Variants in MAST2 observed in about 807,000 individuals in gnomAD.
The protein encoded by MAST2 is microtubule-associated serine/threonine-protein kinase 2.
In MAST2, 70 loss-of-function variants were observed where a neutral mutation model predicts 147.4. The observed-to-expected ratio is 0.47, with a 90% CI of 0.39 to 0.58. The LOEUF (loss-of-function observed/expected upper bound fraction) is 0.58. Among genes scored for constraint, MAST2 ranks in the 20% least tolerant of loss-of-function variants. The probability of loss-of-function intolerance (pLI) is 0.00; values close to 1 mark genes in which losing one functional copy is unlikely to be tolerated. For synonymous variants in MAST2, 869 were observed against 896.8 expected, an observed-to-expected ratio of 0.97 and a Z score of 0.55; for missense variants, 2,080 against 2,302.3, an observed-to-expected ratio of 0.90 and a Z score of 1.98.
intron 16 of MAST2, among the ~76,000 whole-genome samples, chr1:46,026,035 G>T (rs1339414822): frequency 6.6e-6 from 1 of 152,156 alleles, no homozygotes; most frequent in African/African-American, 2.4e-5. Flanking sequence ...CGGTGACATG[G>T]AAGAGTCATT....
At chr1:45,884,158 C>T (rs900700164) in intron 4 of MAST2, among the ~76,000 whole-genome samples, 2 of 151,840 alleles carry the variant, frequency 1.3e-5, no homozygotes, top group Non-Finnish European at 2.9e-5. Flanking sequence ...GCCTTAAAAA[C>T]GTTTAATTAA....
intron 4 of MAST2, among the ~76,000 whole-genome samples, chr1:45,901,736 G>T (rs1167880821): frequency 6.6e-6 from 1 of 151,950 alleles, no homozygotes; most frequent in South Asian, 2.1e-4. Context: ...TTTTATTTTG[G>T]TTGTGGCAAT....
chr1:45,836,284 A>C (rs973567439), intron 3 of MAST2, among the ~76,000 whole-genome samples: 2 of 152,166 alleles, frequency 1.3e-5, no homozygotes. Context: ...TATAGCCATC[A>C]TAGTGGGTGT....
intron 4 of MAST2, among the ~76,000 whole-genome samples, chr1:45,923,519 G>C (rs1052361431): frequency 2.0e-5 from 3 of 152,216 alleles, no homozygotes; most frequent in African/African-American, 4.8e-5. Context: ...TTCTGTGAGA[G>C]AGATTATCAT....
At chr1:45,999,467 T>G (rs1645187276) in intron 6 of MAST2, among the ~76,000 whole-genome samples, 1 of 152,162 alleles carries the variant, frequency 6.6e-6, no homozygotes, top group African/African-American at 2.4e-5. Flanking sequence ...TGTGGCTAGA[T>G]CCCCATAGGT....
chr1:46,034,061 TTA>T lies in MAST2; in HGVS notation c.3675-10_3675-9del. On this transcript the variant is annotated splice_polypyrimidine_tract_variant and intron_variant, in intron 27 of 28. Transcript: ENST00000361297. ...ACTGCACCGACTCAGCCTTTGACCC[TTA>T]TCCCCGCAGCAGAAAAAGGAGCTCC... The T allele has an allele frequency of 6.2e-7, 1 of 1,611,360 alleles. No individual in the cohort carries two copies. Among genetic ancestry groups the T allele is most frequent in the Non-Finnish European group, 8.5e-7 (1 of 1,178,578 alleles).
At chr1:45,963,745 T>C (rs984337768) in intron 5 of MAST2, among the ~76,000 whole-genome samples, 3 of 152,150 alleles carry the variant, frequency 2.0e-5, no homozygotes, top group Non-Finnish European at 4.4e-5. Context: ...TAATTGAATA[T>C]CCTTTATTTC....
At chr1:46,000,918 T>G in intron 6 of MAST2, 1 of 1,276,394 alleles carries the variant, frequency 7.8e-7, no homozygotes, top group Non-Finnish European at 1.0e-6. Flanking sequence ...CTCTCTCTGG[T>G]TCCTTTGGTT....
chr1:45,882,490 A>G, intron 4 of MAST2, 95 bp downstream of exon 4: 1 of 967,230 alleles, frequency 1.0e-6, no homozygotes, highest in Non-Finnish European at 1.6e-6. Context: ...AATCCCGCTC[A>G]GTACACAATT....
At position 46,033,791 on chromosome 1, in the gene MAST2, C is replaced by T. The variant is rs777612646; in HGVS notation, c.3538-11C>T. ...TCCAGCTTAGCCTAGGCCTCATGCT[C>T]TGCTCCCCAGAGTGGAAACAAGGTG... On this transcript the variant is annotated splice_polypyrimidine_tract_variant and intron_variant, in intron 26 of 28. Transcript: ENST00000361297. The T allele has an allele frequency of 7.4e-6, 12 of 1,613,808 alleles. No individual in the cohort carries two copies. The highest frequency in any genetic ancestry group is 8.5e-6 in the Non-Finnish European group (10 of 1,179,762).
chr1:45,833,186 G>A (rs1444065356), intron 3 of MAST2, among the ~76,000 whole-genome samples: 1 of 152,116 alleles, frequency 6.6e-6, no homozygotes, highest in Non-Finnish European at 1.5e-5. Context: ...TTCATCAGTT[G>A]ATTCATTTCC....
intron 5 of MAST2, among the ~76,000 whole-genome samples, chr1:45,987,927 A>G (rs778970486): frequency 7.9e-5 from 12 of 151,058 alleles, no homozygotes; most frequent in Non-Finnish European, 1.6e-4. Context: ...TTCCTTTCTA[A>G]TATAGTGTAG....
chr1:45,862,360 C>T (rs1462555136), intron 3 of MAST2, among the ~76,000 whole-genome samples: 1 of 152,028 alleles, frequency 6.6e-6, no homozygotes, highest in East Asian at 1.9e-4. Context: ...TTGTTCTTTC[C>T]AATTGGAAGG....
intron 1 of MAST2, among the ~76,000 whole-genome samples, chr1:45,806,988 A>C (rs944616677): frequency 6.6e-6 from 1 of 152,180 alleles, no homozygotes; most frequent in Admixed American, 6.5e-5. Context: ...GATTATGGGC[A>C]TGAGTGCCCA....
intron 3 of MAST2, among the ~76,000 whole-genome samples, chr1:45,874,142 ACT>A (rs1208636066): frequency 2.0e-5 from 3 of 152,032 alleles, no homozygotes; most frequent in African/African-American, 7.2e-5. Flanking sequence ...CATGTACGTT[ACT>A]TTATTTGACT....
intron 4 of MAST2, among the ~76,000 whole-genome samples, chr1:45,924,221 A>T (rs1653993719): frequency 6.6e-6 from 1 of 152,064 alleles, no homozygotes; most frequent in South Asian, 2.1e-4. Flanking sequence ...ACCCCTGCTC[A>T]TTACTGTCAT....
intron 3 of MAST2, among the ~76,000 whole-genome samples, chr1:45,839,922 A>G (rs1645222177): frequency 6.6e-6 from 1 of 152,240 alleles, no homozygotes; most frequent in Admixed American, 6.5e-5. Context: ...AACAATTCAC[A>G]CAAAAATATC....
intron 4 of MAST2, among the ~76,000 whole-genome samples, chr1:45,935,877 G>C (rs372551988): frequency 2.0e-5 from 3 of 152,234 alleles, no homozygotes; most frequent in East Asian, 3.9e-4. Flanking sequence ...GGCTATTTGG[G>C]CTCTTTTTTG....
chr1:45,854,759 A>C (rs1557835925), intron 3 of MAST2, among the ~76,000 whole-genome samples: 1 of 152,138 alleles, frequency 6.6e-6, no homozygotes, highest in African/African-American at 2.4e-5. Flanking sequence ...GTGCCTTATA[A>C]TTTAACTCAA....
Sources: allele counts gnomAD v4.1 joint callset (sites outside exome capture counted in the v4.1 genomes callset), GRCh38; gene constraint gnomAD v4.1.1; transcripts MANE v1.5; gene names NCBI Gene and HGNC (gene_info 2026-07-23, HGNC 2026-07-21).